The following WNK2 variants were observed in gnomAD, a reference collection of about 807,000 sequenced individuals.
WNK2 encodes serine/threonine-protein kinase WNK2.
A neutral mutation model predicts 192.1 loss-of-function variants in WNK2; 67 were observed. That is an observed-to-expected ratio of 0.35 (90% CI 0.29 to 0.43). The LOEUF (loss-of-function observed/expected upper bound fraction) is 0.43. Among genes scored for constraint, WNK2 ranks in the 20% least tolerant of loss-of-function variants. The pLI, the probability that WNK2 is intolerant of heterozygous loss-of-function variation, is 1.00. For synonymous variants in WNK2, 1,439 were observed against 1,393.9 expected, an observed-to-expected ratio of 1.03 and a Z score of -0.72; for missense variants, 2,698 against 3,089.7, an observed-to-expected ratio of 0.87 and a Z score of 3.01.
intron 25 of WNK2, 61 bp downstream of exon 25, chr9:93,299,322 C>T (rs1322612848): frequency 1.3e-6 from 2 of 1,508,434 alleles, no homozygotes; most frequent in African/African-American, 2.8e-5. Flanking sequence ...CAGTGGTGTC[C>T]CCAGGAGCAC....
chr9:93,259,948 C>T lies in WNK2; in HGVS notation c.3066+334C>T, dbSNP rs1387885014. Among the ~76,000 whole-genome samples, 3 of 152,172 alleles carry T rather than the reference C, an allele frequency of 2.0e-5. No individual in the cohort carries two copies. The highest frequency in any genetic ancestry group is 1.3e-4 in the Admixed American group (2 of 15,290). On this transcript the variant is annotated intron_variant, in intron 12 of 29. Transcript: ENST00000427277. The surrounding 1 kb of genome is among the most constrained non-coding windows in gnomAD (Gnocchi z 4.8). ...GGTCTGGCAGCCTTGGTGTGGCTTG[C>T]GTTGGGGCACAGGTTGTCTGTCTGA...
intron 20 of WNK2, 118 bp from the exon 21 acceptor site, chr9:93,289,860 A>G (rs1452295340): frequency 1.3e-5 from 14 of 1,039,758 alleles, no homozygotes; most frequent in East Asian, 2.8e-5. Context: ...ATGCACACAC[A>G]GGGGCTGGGG....
intron 18 of WNK2, 96 bp from the exon 19 acceptor site, chr9:93,268,531 G>C: frequency 6.5e-7 from 1 of 1,538,590 alleles, no homozygotes; most frequent in Non-Finnish European, 8.8e-7. Flanking sequence ...GGAGTTCACA[G>C]ACCCACTGTG....
rs769940540 is a variant in WNK2, at chr9:93,317,839, G to T, written c.6628+208G>T. The T allele has an allele frequency of 2.6e-6, 4 of 1,512,918 alleles. No homozygotes were observed. In the East Asian group the frequency reaches 9.6e-5, roughly 36 times the overall value. 93.7% of individuals were successfully genotyped at this position (1,512,918 alleles called of 1,614,324 possible). ...GTCAGCATGCCTGGCCCCCGGCTGCGGATCACGTAGCCTTCTGCCCTGTCC... is the reference window on the plus strand; with the variant it reads ...GTCAGCATGCCTGGCCCCCGGCTGCTGATCACGTAGCCTTCTGCCCTGTCC... On this transcript the variant is annotated intron_variant, in intron 29 of 29. Transcript: ENST00000427277.
intron 24 of WNK2, 22 bp from the exon 25 acceptor site, chr9:93,299,048 C>T (rs762183994): frequency 1.6e-5 from 25 of 1,600,492 alleles, no homozygotes; most frequent in Middle Eastern, 2.2e-4. Flanking sequence ...TCGTGCCTGT[C>T]GCCTCTTCTC....
At chr9:93,242,375 G>A (rs1286470494) in intron 7 of WNK2, among the ~76,000 whole-genome samples, 3 of 152,224 alleles carry the variant, frequency 2.0e-5, no homozygotes, top group Non-Finnish European at 4.4e-5. Context: ...GATGAGCTCT[G>A]TGCTTCCTGG....
In WNK2 at chr9:93,247,578, G is replaced by C; in HGVS notation, c.1578G>C (p.Lys526Asn). Residue 526 changes from lysine to asparagine, a missense_variant, in exon 8 of 30, where the codon AAG (lysine) becomes AAC (asparagine). Physicochemically the swap from Lys to Asn is moderately conservative, Grantham distance 94 (BLOSUM62 0). Transcript: ENST00000427277. The surrounding 1 kb of genome is among the most constrained non-coding windows in gnomAD (Gnocchi z 5.2). ...ESGFFHESDV[K>N]IVAKSIRDRV... Reference sequence around the variant, plus strand: ...GATTCTTCCACGAGAGTGACGTCAAGATCGTGGCCAAGTCCATCCGTGACC... The same window carrying C: ...GATTCTTCCACGAGAGTGACGTCAACATCGTGGCCAAGTCCATCCGTGACC... The C allele has an allele frequency of 6.2e-7, 1 of 1,610,116 alleles. No homozygotes were observed. The highest frequency in any genetic ancestry group is 8.5e-7 in the Non-Finnish European group (1 of 1,178,544).
rs1008996455 is a variant in WNK2, at chr9:93,289,313, G to C, written c.4559G>C (p.Gly1520Ala). 6.3e-6 allele frequency: 10 copies of C among 1,599,628 alleles called. 1 individual carries two copies. The Admixed American group carries it at 1.2e-4, about 19-fold the overall frequency. The part of the protein sequence containing the change: ...ATSQLPSPPL[G>A]PTVPPQPPSA... ...TCCCAGCTCCCAAGCCCACCCCTGG[G>C]GCCCACCGTCCCCCCACAGCCACCC... is the stretch of plus-strand genomic sequence containing the variant. The change falls in exon 20 of 30, where the codon GGG becomes GCG. Residue 1520 changes from glycine to alanine, a missense_variant. Physicochemically the swap from Gly to Ala is moderately conservative, Grantham distance 60 (BLOSUM62 0). Transcript: ENST00000427277.
intron 1 of WNK2, among the ~76,000 whole-genome samples, 186 bp downstream of exon 1, chr9:93,184,571 C>A (rs990274789): frequency 2.6e-5 from 4 of 152,180 alleles, no homozygotes; most frequent in African/African-American, 9.6e-5. Flanking sequence ...TCCGGGACAG[C>A]CTAGCAGAAC....
chr9:93,203,486 G>C (rs1015959367), intron 2 of WNK2, among the ~76,000 whole-genome samples: 1 of 152,226 alleles, frequency 6.6e-6, no homozygotes, highest in Admixed American at 6.5e-5. Flanking sequence ...AGAGCAGGTT[G>C]GGAGGGAGCC....
At chr9:93,298,172 C>A in intron 24 of WNK2, 105 bp downstream of exon 24, 1 of 1,241,204 alleles carries the variant, frequency 8.1e-7, no homozygotes, top group Non-Finnish European at 1.1e-6. Flanking sequence ...ACCTGGAAGA[C>A]CACTCGGGGT....
intron 4 of WNK2, among the ~76,000 whole-genome samples, chr9:93,234,472 G>A (rs915694271): frequency 2.0e-5 from 3 of 152,340 alleles, no homozygotes; most frequent in East Asian, 3.9e-4. Flanking sequence ...GTCCACAGGC[G>A]AGGGCGTACT....
In WNK2 at chr9:93,224,211, C is replaced by T. The variant is rs146379371; in HGVS notation, c.682-5485C>T. On this transcript the variant is annotated intron_variant, in intron 2 of 29. Coordinates refer to ENST00000427277, the MANE Select transcript of WNK2 (RefSeq NM_006648.4). Reference sequence around the variant, plus strand: ...CGTGGGGCTCACCTCCTGGTGGGACCCAGTTCTGCCCCTTCAAGGGGTTGG... The same window carrying T: ...CGTGGGGCTCACCTCCTGGTGGGACTCAGTTCTGCCCCTTCAAGGGGTTGG... 1.1e-3 allele frequency among the ~76,000 whole-genome samples: 173 copies of T among 152,334 alleles called. 1 individual carries two copies. The highest frequency in any genetic ancestry group is 3.4e-3 in the Middle Eastern group (1 of 294).
chr9:93,300,487 A>AT (rs543315725), intron 26 of WNK2, among the ~76,000 whole-genome samples: 49 of 147,800 alleles, frequency 3.3e-4, no homozygotes, highest in East Asian at 2.4e-3. Flanking sequence ...CATTTATTTA[A>AT]TTTTTTTTTT....
At chr9:93,242,334 A>G (rs1840912238) in intron 7 of WNK2, among the ~76,000 whole-genome samples, 1 of 152,222 alleles carries the variant, frequency 6.6e-6, no homozygotes, top group Non-Finnish European at 1.5e-5. Flanking sequence ...CAGACACAGA[A>G]GCCTCTGCTA....
chr9:93,230,867 T>C (rs1025449109), intron 3 of WNK2, 21 bp from the exon 4 acceptor site: 23 of 1,605,598 alleles, frequency 1.4e-5, no homozygotes, highest in Non-Finnish European at 2.0e-5. Context: ...CTTGGTGAGC[T>C]GTGCCCGTGA....
chr9:93,205,344 C>T (rs190038961), intron 2 of WNK2, among the ~76,000 whole-genome samples: 1 of 152,332 alleles, frequency 6.6e-6, no homozygotes, highest in African/African-American at 2.4e-5. Context: ...GGGGAGTGGG[C>T]AGCCTATGTG....
chr9:93,293,097 T>C lies in WNK2; in HGVS notation c.5632T>C (p.Ser1878Pro). 1 of 1,603,992 alleles carries C rather than the reference T, an allele frequency of 6.2e-7. No homozygotes were observed. Among genetic ancestry groups the C allele is most frequent in the Non-Finnish European group, 8.5e-7 (1 of 1,175,700 alleles). ...ISVTSFHSQS[S>P]YISSDNDSEL... is the part of the protein sequence containing the mutation. ...CGTGACCTCCTTCCATTCCCAGTCG[T>C]CCTACATCAGCAGCGACAATGATTC... Residue 1878 changes from serine (S) to proline (P), a missense_variant, in exon 23 of 30, where the codon TCC (serine) becomes CCC (proline). Coordinates refer to ENST00000427277, the MANE Select transcript of WNK2 (RefSeq NM_006648.4).
chr9:93,198,410 T>TG (rs1831672581), intron 2 of WNK2, among the ~76,000 whole-genome samples: 1 of 152,182 alleles, frequency 6.6e-6, no homozygotes, highest in South Asian at 2.1e-4. Flanking sequence ...CCAGCTGCTT[T>TG]GGGTGGGGCC....
Sources: gnomAD v4.1 joint callset for allele counts (sites outside exome capture counted in the v4.1 genomes callset) on GRCh38, gnomAD v4.1.1 for gene constraint, Gnocchi (gnomAD v3.1) non-coding constraint, MANE v1.5 for transcripts, NCBI Gene and HGNC (gene_info 2026-07-23, HGNC 2026-07-21) for gene names.